Variants in ATP10A observed in about 807,000 individuals in gnomAD.
ATP10A encodes the protein phospholipid-transporting ATPase VA.
A neutral mutation model predicts 147.8 loss-of-function variants in ATP10A; 111 were observed. The observed-to-expected ratio is 0.75, with a 90% CI of 0.64 to 0.88. ATP10A has a LOEUF of 0.88. Among genes scored for constraint, ATP10A ranks in the 40% least tolerant of loss-of-function variants. The pLI is 0.00. For synonymous variants in ATP10A, 875 were observed against 841.6 expected, an observed-to-expected ratio of 1.04 and a Z score of -0.69; for missense variants, 1,927 against 1,959.0, an observed-to-expected ratio of 0.98 and a Z score of 0.31.
At chr15:25,726,850 G>A (rs1596767431) in intron 4 of ATP10A, among the ~76,000 whole-genome samples, 1 of 150,336 alleles carries the variant, frequency 6.7e-6, no homozygotes, top group East Asian at 2.0e-4. Context: ...AGGAGATTGA[G>A]ACTATCCTGG....
intron 2 of ATP10A, among the ~76,000 whole-genome samples, chr15:25,737,956 C>T (rs947938793): frequency 6.6e-5 from 10 of 152,206 alleles, no homozygotes; most frequent in African/African-American, 2.4e-4. Flanking sequence ...AGCTTCCAGA[C>T]CTGTGAGAAA....
chr15:25,811,832 C>T (rs775570929), intron 1 of ATP10A, among the ~76,000 whole-genome samples: 4 of 152,178 alleles, frequency 2.6e-5, no homozygotes, highest in African/African-American at 4.8e-5. Flanking sequence ...CCTCCCATCA[C>T]GCACCTGTCC....
Position 25,727,277 on chromosome 15 carries a change from A to C in ATP10A, c.741-11T>G, listed in dbSNP as rs2140448902. The stretch of plus-strand genomic sequence containing the variant: ...CCGTTGTCATGTATGCTGTAGAGGG[A>C]CAGTTGGCACATGTCACGTGGTTGC... On this transcript the variant is annotated splice_polypyrimidine_tract_variant and intron_variant, in intron 3 of 20. Coordinates refer to ENST00000555815, the MANE Select transcript of ATP10A (RefSeq NM_024490.4). The C allele has an allele frequency of 6.2e-7, 1 of 1,604,776 alleles. No individual in the cohort carries two copies. Among genetic ancestry groups the C allele is most frequent in the South Asian group, 1.1e-5 (1 of 90,880 alleles).
Position 25,714,014 on chromosome 15 carries a change from G to A in ATP10A, c.2004C>T (p.Asn668=), listed in dbSNP as rs890489585. 4 of 1,610,438 alleles carry A rather than the reference G, an allele frequency of 2.5e-6. No individual in the cohort carries two copies. Among genetic ancestry groups the A allele is most frequent in the Non-Finnish European group, 2.5e-6 (3 of 1,179,886 alleles). The change falls in exon 10 of 21, where the codon AAC becomes AAT. Residue 668 remains asparagine (N), a synonymous_variant. Transcript: ENST00000555815. ...AGTTGTCCGCCTGGCTGCTGTAGCCGTTGCTGGCGATGGCCGAGGTGGGCT... is the reference window on the plus strand; with the variant it reads ...AGTTGTCCGCCTGGCTGCTGTAGCCATTGCTGGCGATGGCCGAGGTGGGCT... ...LGQPTSAIAS[N]GYSSQADNWA... is the part of the protein sequence containing the mutation.
chr15:25,785,368 G>A (rs1318495263), intron 1 of ATP10A, among the ~76,000 whole-genome samples: 2 of 152,146 alleles, frequency 1.3e-5, no homozygotes, highest in Non-Finnish European at 2.9e-5. Context: ...GCGAGGGGAG[G>A]GGCCTCAGGA....
At chr15:25,778,283 T>C (rs1889723568) in intron 2 of ATP10A, among the ~76,000 whole-genome samples, 1 of 152,196 alleles carries the variant, frequency 6.6e-6, no homozygotes, top group African/African-American at 2.4e-5. Context: ...TCTTAACCTG[T>C]CTGAGACAAG....
intron 13 of ATP10A, 94 bp from the exon 14 acceptor site, chr15:25,695,240 C>T (rs1428223377): frequency 3.3e-5 from 41 of 1,255,466 alleles, no homozygotes; most frequent in Middle Eastern, 1.9e-4. Flanking sequence ...GACATCCTTC[C>T]GGGCTCCAGG....
At chr15:25,713,058 C>G (rs1901541007) in intron 10 of ATP10A, among the ~76,000 whole-genome samples, 1 of 152,188 alleles carries the variant, frequency 6.6e-6, no homozygotes, top group Non-Finnish European at 1.5e-5. Context: ...AATAGGAAGC[C>G]CGTGGCAGGC....
At chr15:25,718,519 C>T in intron 7 of ATP10A, 120 bp from the exon 8 acceptor site, 1 of 1,015,530 alleles carries the variant, frequency 9.8e-7, no homozygotes, top group Non-Finnish European at 1.4e-6. Flanking sequence ...ACAGGATTCA[C>T]CACCCTTGCT....
chr15:25,682,909 C>T (rs909594857), intron 17 of ATP10A, among the ~76,000 whole-genome samples: 1 of 152,194 alleles, frequency 6.6e-6, no homozygotes, highest in African/African-American at 2.4e-5. Flanking sequence ...AATCTATTTG[C>T]TCTTTCAGTG....
At chr15:25,792,587 C>A (rs1391577919) in intron 1 of ATP10A, among the ~76,000 whole-genome samples, 1 of 152,230 alleles carries the variant, frequency 6.6e-6, no homozygotes, top group Non-Finnish European at 1.5e-5. Context: ...TGGCCTACTG[C>A]AGCCTCTATG....
intron 1 of ATP10A, among the ~76,000 whole-genome samples, chr15:25,856,865 A>C (rs1464939635): frequency 6.6e-6 from 1 of 152,224 alleles, no homozygotes; most frequent in East Asian, 1.9e-4. Context: ...AATAGAAAAA[A>C]AACATGTTAC....
chr15:25,848,218 A>AT (rs1330700977), intron 1 of ATP10A, among the ~76,000 whole-genome samples: 1 of 152,208 alleles, frequency 6.6e-6, no homozygotes, highest in Non-Finnish European at 1.5e-5. Flanking sequence ...CAATGAACAC[A>AT]TGTATTAGCT....
intron 2 of ATP10A, among the ~76,000 whole-genome samples, chr15:25,778,308 C>CA (rs1019574795): frequency 1.3e-5 from 2 of 152,048 alleles, no homozygotes; most frequent in Non-Finnish European, 2.9e-5. Flanking sequence ...CTCAGTATTA[C>CA]AAAAAAACTA....
intron 2 of ATP10A, among the ~76,000 whole-genome samples, chr15:25,745,668 T>C (rs534641885): frequency 1.7e-4 from 26 of 152,318 alleles, no homozygotes; most frequent in African/African-American, 4.6e-4. Flanking sequence ...TAAAAGCATG[T>C]TGACTGTATT....
At chr15:25,718,069 G>A (rs1255810770) in intron 8 of ATP10A, 113 bp downstream of exon 8, 22 of 1,168,562 alleles carry the variant, frequency 1.9e-5, no homozygotes, top group Admixed American at 4.6e-5. Context: ...GAGCCAAGCC[G>A]CCCAGCGACA....
At chr15:25,850,829 T>G (rs1893261525) in intron 1 of ATP10A, among the ~76,000 whole-genome samples, 2 of 152,178 alleles carry the variant, frequency 1.3e-5, no homozygotes, top group South Asian at 4.1e-4. Context: ...CTTTTTAAAC[T>G]GTTATTAGAA....
At chr15:25,736,489 C>A (rs920610693) in intron 2 of ATP10A, among the ~76,000 whole-genome samples, 1 of 152,160 alleles carries the variant, frequency 6.6e-6, no homozygotes, top group African/African-American at 2.4e-5. Flanking sequence ...ACGGCACTTG[C>A]CCATTTCTAC....
chr15:25,757,561 A>T (rs2140611275), intron 2 of ATP10A, among the ~76,000 whole-genome samples: 1 of 152,288 alleles, frequency 6.6e-6, no homozygotes, highest in East Asian at 1.9e-4. Flanking sequence ...TTTAAGGAGG[A>T]AATAGAAAAA....
Sources: gnomAD v4.1 joint callset for allele counts (sites outside exome capture counted in the v4.1 genomes callset) on GRCh38, gnomAD v4.1.1 for gene constraint, MANE v1.5 for transcripts, NCBI Gene and HGNC (gene_info 2026-07-23, HGNC 2026-07-21) for gene names.